Variants in RBM33 observed in about 807,000 individuals in gnomAD.
RBM33 encodes the protein RNA binding motif protein 33.
RBM33 carries 28 observed loss-of-function variants against 132.6 expected under a neutral mutation model. The observed-to-expected ratio is 0.21, with a 90% CI of 0.16 to 0.29. The LOEUF (loss-of-function observed/expected upper bound fraction) is 0.29, where lower values mean the gene tolerates loss of function less well. Among genes scored for constraint, RBM33 ranks in the 10% least tolerant of loss-of-function variants. The probability of loss-of-function intolerance (pLI) is 1.00; values close to 1 mark genes in which losing one functional copy is unlikely to be tolerated. For missense variants in RBM33, 1,291 were observed against 1,518.5 expected (o/e 0.85, Z 2.49); for synonymous variants, 634 against 593.0 (o/e 1.07, Z -1.01).
chr7:155,680,668 C>T lies in RBM33; in HGVS notation c.327C>T (p.Asp109=). Residue 109 remains aspartate (D), a synonymous_variant, in exon 5 of 18, where the codon GAC becomes GAT. Coordinates refer to ENST00000401878, the MANE Select transcript of RBM33 (RefSeq NM_053043.3). Reference sequence around the variant, plus strand: ...TTGAACTCTCTGACAACACTAACGACCAATCTGGAGAACAGGAATCTGAGT... The same window carrying T: ...TTGAACTCTCTGACAACACTAACGATCAATCTGGAGAACAGGAATCTGAGT... The part of the protein sequence containing the change: ...TSFELSDNTN[D]QSGEQESEYE... 6.2e-7 allele frequency: 1 copy of T among 1,610,820 alleles called. No individual in the cohort carries two copies. Among genetic ancestry groups the T allele is most frequent in the East Asian group, 2.2e-5 (1 of 44,764 alleles).
intron 1 of RBM33, among the ~76,000 whole-genome samples, chr7:155,645,957 A>G (rs916120890): frequency 1.3e-5 from 2 of 152,218 alleles, no homozygotes; most frequent in Non-Finnish European, 2.9e-5. Flanking sequence ...GCTTCTGGCA[A>G]TTTGGTTTGC....
At chr7:155,760,787 C>A (rs560540199) in intron 14 of RBM33, among the ~76,000 whole-genome samples, 24 of 152,114 alleles carry the variant, frequency 1.6e-4, no homozygotes, top group Non-Finnish European at 2.6e-4. Context: ...AGTATAGGCC[C>A]TCCCTGCCTG....
chr7:155,770,650 C>T (rs1194188955), intron 16 of RBM33, among the ~76,000 whole-genome samples: 3 of 144,842 alleles, frequency 2.1e-5, no homozygotes, highest in Admixed American at 7.1e-5. Flanking sequence ...GAATTGTTGG[C>T]CAGAGGGAGA....
intron 14 of RBM33, among the ~76,000 whole-genome samples, chr7:155,748,457 T>G (rs1461844823): frequency 2.0e-5 from 3 of 152,236 alleles, no homozygotes; most frequent in Non-Finnish European, 2.9e-5. Context: ...GTTCACATGT[T>G]TATGAAAGCA....
At chr7:155,646,849 A>G (rs1798211343) in intron 1 of RBM33, among the ~76,000 whole-genome samples, 1 of 152,222 alleles carries the variant, frequency 6.6e-6, no homozygotes, top group East Asian at 1.9e-4. Flanking sequence ...CTGTTTTACC[A>G]TGCGTTCCAC....
In RBM33 at chr7:155,644,714, G is replaced by C; in HGVS notation, c.-163G>C. The C allele has an allele frequency of 2.0e-6, 1 of 503,436 alleles. No individual in the cohort carries two copies. Among genetic ancestry groups the C allele is most frequent in the Non-Finnish European group, 3.4e-6 (1 of 293,922 alleles). The allele number at this position is 503,436 out of a possible 1,614,324, so 31.2% of individuals were successfully genotyped here. Reference sequence around the variant, plus strand: ...AGTTTGTTGTTTTCTTCCTGCGGAGGCGAAGGGCCAGCTGTGGACCGCGAA... The same window carrying C: ...AGTTTGTTGTTTTCTTCCTGCGGAGCCGAAGGGCCAGCTGTGGACCGCGAA... On this transcript the variant is annotated 5_prime_UTR_variant, in exon 1 of 18. Coordinates refer to ENST00000401878, the MANE Select transcript of RBM33 (RefSeq NM_053043.3).
Position 155,777,028 on chromosome 7 carries a change from C to G in RBM33, c.*1987C>G, listed in dbSNP as rs529540507. The G allele has an allele frequency of 6.6e-6, 1 of 151,764 alleles. No homozygotes were observed. Among genetic ancestry groups the G allele is most frequent in the Non-Finnish European group, 1.5e-5 (1 of 67,968 alleles). The allele number at this position is 151,764 out of a possible 1,614,324, so 9.4% of individuals were successfully genotyped here. A position where few individuals can be genotyped will look rare whatever the true frequency, so the allele number is the denominator to read the frequency against. ...CTTTATCATTGAGGGCTTACTGATACAATGAAATGAGTTTCATGACTTTTT... is the reference window on the plus strand; with the variant it reads ...CTTTATCATTGAGGGCTTACTGATAGAATGAAATGAGTTTCATGACTTTTT... On this transcript the variant is annotated 3_prime_UTR_variant, in exon 18 of 18. Coordinates refer to ENST00000401878, the MANE Select transcript of RBM33 (RefSeq NM_053043.3).
In RBM33 at chr7:155,738,207, A is replaced by C; in HGVS notation, c.1541A>C (p.Asn514Thr). 6.2e-7 allele frequency: 1 copy of C among 1,613,928 alleles called. No individual in the cohort carries two copies. The highest frequency in any genetic ancestry group is 8.5e-7 in the Non-Finnish European group (1 of 1,179,876). The change falls in exon 11 of 18, where the codon AAT (asparagine) becomes ACT (threonine). Residue 514 changes from asparagine (N) to threonine (T), a missense_variant. Transcript: ENST00000401878. ...LPFTQPGPAF[N>T]QQGQQPVFPR... ...TTCACTCAGCCAGGACCAGCATTTA[A>C]TCAGCAAGGACAGCAGCCAGTGTTC...
chr7:155,687,968 T>C (rs1158311167), intron 5 of RBM33, among the ~76,000 whole-genome samples: 2 of 152,250 alleles, frequency 1.3e-5, no homozygotes, highest in East Asian at 3.8e-4. Flanking sequence ...GGACCCTTTT[T>C]GGTTCCATAT....
At chr7:155,735,695 CTCTCTCTCTCTCTCTCTCTCTCTG>C (rs1398358122) in intron 9 of RBM33, among the ~76,000 whole-genome samples, 11 of 272 alleles carry the variant, frequency 0.04, no homozygotes, top group Non-Finnish European at 0.11. Flanking sequence ...GACCCTGTCT[CTCTCTCTCTCTCTCTCTCTCTCTG>C]TCTCTCTCTC....
At chr7:155,660,695 G>A (rs1352541077) in intron 1 of RBM33, among the ~76,000 whole-genome samples, 1 of 152,152 alleles carries the variant, frequency 6.6e-6, no homozygotes, top group African/African-American at 2.4e-5. Context: ...GAAACATTTT[G>A]ACTACGTTGT....
At chr7:155,724,432 G>A (rs1800717653) in intron 9 of RBM33, among the ~76,000 whole-genome samples, 1 of 152,194 alleles carries the variant, frequency 6.6e-6, no homozygotes, top group South Asian at 2.1e-4. Context: ...GGAAGCTGAG[G>A]CAGGAGAATC....
At chr7:155,657,678 T>C (rs1798529387) in intron 1 of RBM33, among the ~76,000 whole-genome samples, 1 of 152,168 alleles carries the variant, frequency 6.6e-6, no homozygotes, top group Non-Finnish European at 1.5e-5. Flanking sequence ...CAGTGGATGC[T>C]CTAATTAATT....
At chr7:155,696,756 C>T (rs1799804582) in intron 5 of RBM33, among the ~76,000 whole-genome samples, 3 of 152,124 alleles carry the variant, frequency 2.0e-5, no homozygotes, top group Admixed American at 6.5e-5. Flanking sequence ...CTCTTCATGA[C>T]CTCTCACTGG....
chr7:155,705,213 A>G (rs1800079572), intron 6 of RBM33, among the ~76,000 whole-genome samples: 1 of 152,182 alleles, frequency 6.6e-6, no homozygotes. Flanking sequence ...CCATCCTGTC[A>G]TATTTTGGTG....
intron 1 of RBM33, among the ~76,000 whole-genome samples, chr7:155,646,569 C>A (rs1248441953): frequency 6.6e-6 from 1 of 152,196 alleles, no homozygotes; most frequent in East Asian, 1.9e-4. Flanking sequence ...GGAAGTTCAT[C>A]GCATGGACTG....
At chr7:155,747,959 A>G (rs1171139507) in intron 14 of RBM33, among the ~76,000 whole-genome samples, 2 of 152,214 alleles carry the variant, frequency 1.3e-5, no homozygotes, top group African/African-American at 4.8e-5. Context: ...AAAAGGAAGC[A>G]TTTATTTTGG....
Position 155,700,546 on chromosome 7 carries a change from CTTTTTTTTTTTTTTTTTTTTT to C in RBM33, c.568-218_568-198del, listed in dbSNP as rs529323301. Among the ~76,000 whole-genome samples the C allele has an allele frequency of 5.8e-5, 5 of 85,582 alleles. 1 individual carries two copies. In the South Asian group the frequency reaches 2.3e-3, roughly 40 times the overall value. The allele number at this position is 85,582 out of a possible 152,430, so 56.1% of individuals were successfully genotyped here. A position where few individuals can be genotyped will look rare whatever the true frequency, so the allele number is the denominator to read the frequency against. On this transcript the variant is annotated intron_variant, in intron 5 of 17. Coordinates refer to ENST00000401878, the MANE Select transcript of RBM33 (RefSeq NM_053043.3). Reference sequence around the variant, plus strand: ...TATTAATTGCAAGCAAGAATTTGACCTTTTTTTTTTTTTTTTTTTTTTTTTTTTTGAACATTAACTGTTAAT... The same window carrying C: ...TATTAATTGCAAGCAAGAATTTGACCTTTTTTTTGAACATTAACTGTTAAT...
chr7:155,679,154 A>T (rs1799266602), intron 4 of RBM33, among the ~76,000 whole-genome samples: 1 of 152,128 alleles, frequency 6.6e-6, no homozygotes, highest in South Asian at 2.1e-4. Context: ...CCTGGGAGAC[A>T]GAGTGAAACG....
Sources: gnomAD v4.1 joint callset for allele counts (sites outside exome capture counted in the v4.1 genomes callset) on GRCh38, gnomAD v4.1.1 for gene constraint, MANE v1.5 for transcripts, NCBI Gene and HGNC (gene_info 2026-07-23, HGNC 2026-07-21) for gene names.